Variants in NFIA observed in about 807,000 individuals in gnomAD.
NFIA encodes the protein nuclear factor I A, also known as nuclear factor 1 A-type.
A neutral mutation model predicts 62.8 loss-of-function variants in NFIA; 8 were observed. The observed-to-expected ratio is 0.13, with a 90% CI of 0.07 to 0.23. The LOEUF is 0.23. Among genes scored for constraint, NFIA ranks in the 10% least tolerant of loss-of-function variants. NFIA has a pLI of 1.00. For missense variants in NFIA, 410 were observed against 642.1 expected, an observed-to-expected ratio of 0.64 and a Z score of 3.91; for synonymous variants, 235 against 238.1, an observed-to-expected ratio of 0.99 and a Z score of 0.12.
intron 10 of NFIA, among the ~76,000 whole-genome samples, chr1:61,434,344 T>C (rs1419854275): frequency 1.3e-5 from 2 of 152,058 alleles, no homozygotes; most frequent in Admixed American, 6.6e-5. Flanking sequence ...CTGCTTCCCC[T>C]CCCTCCATAC....
At chr1:61,273,564 C>G (rs906776782) in intron 2 of NFIA, among the ~76,000 whole-genome samples, 1 of 152,138 alleles carries the variant, frequency 6.6e-6, no homozygotes, top group Non-Finnish European at 1.5e-5. Flanking sequence ...GACAGTGGTT[C>G]AGTATCAGAA....
chr1:61,096,759 G>A (rs1419518735), intron 2 of NFIA, among the ~76,000 whole-genome samples: 3 of 151,110 alleles, frequency 2.0e-5, no homozygotes, highest in East Asian at 2.0e-4. Flanking sequence ...CACCATCTTG[G>A]TGAGGCTGGA....
chr1:61,130,274 A>G (rs571516518), intron 2 of NFIA, among the ~76,000 whole-genome samples: 4 of 152,288 alleles, frequency 2.6e-5, no homozygotes, highest in Admixed American at 6.5e-5. Flanking sequence ...TAGTGAAATC[A>G]GGGAGACTAG....
chr1:61,192,293 C>T (rs563288769), intron 2 of NFIA, among the ~76,000 whole-genome samples: 2 of 152,252 alleles, frequency 1.3e-5, no homozygotes, highest in South Asian at 4.1e-4. Flanking sequence ...CAAAAAATAA[C>T]AAGTTTTGAA....
chr1:61,307,767 T>A (rs1659878529), intron 3 of NFIA, among the ~76,000 whole-genome samples: 1 of 152,232 alleles, frequency 6.6e-6, no homozygotes, highest in African/African-American at 2.4e-5. Context: ...AGGAGATCCA[T>A]TTGCTAGCAT....
intron 10 of NFIA, 55 bp downstream of exon 10, chr1:61,426,611 G>A: frequency 6.0e-6 from 8 of 1,322,952 alleles, no homozygotes; most frequent in Non-Finnish European, 8.2e-6. Context: ...TTCATCAGGT[G>A]CATTTTAACT....
At chr1:61,337,172 G>T (rs572815892) in intron 4 of NFIA, among the ~76,000 whole-genome samples, 1 of 152,296 alleles carries the variant, frequency 6.6e-6, no homozygotes. Context: ...AAATTCAGAG[G>T]TGAGGGATGA....
At chr1:61,447,641 G>T (rs1291509737) in intron 10 of NFIA, among the ~76,000 whole-genome samples, 1 of 152,092 alleles carries the variant, frequency 6.6e-6, no homozygotes, top group Non-Finnish European at 1.5e-5. Flanking sequence ...TAATCTCCAC[G>T]CTGCACCTCA....
At chr1:61,410,104 G>A (rs1259152858) in intron 9 of NFIA, among the ~76,000 whole-genome samples, 2 of 152,118 alleles carry the variant, frequency 1.3e-5, no homozygotes, top group Admixed American at 1.3e-4. Flanking sequence ...GATCTATTGA[G>A]GGAAAGGTAA....
At chr1:61,082,344 G>A (rs1400632685), upstream of NFIA, 32 of 311,710 alleles carry the variant, frequency 1.0e-4, no homozygotes, top group Non-Finnish European at 1.3e-4. Flanking sequence ...GCCGCGCGGC[G>A]CCGCAGCCGC....
At chr1:61,301,588 T>C (rs995754527) in intron 3 of NFIA, among the ~76,000 whole-genome samples, 1 of 152,234 alleles carries the variant, frequency 6.6e-6, no homozygotes, top group African/African-American at 2.4e-5. Context: ...AGCAAGCATT[T>C]ACCCTTGTGG....
intron 10 of NFIA, among the ~76,000 whole-genome samples, chr1:61,437,782 A>G (rs967404566): frequency 6.6e-6 from 1 of 152,206 alleles, no homozygotes. Flanking sequence ...GGTGGGGAGA[A>G]CATTCCAGAC....
chr1:61,366,301 C>A (rs747689499), intron 6 of NFIA, among the ~76,000 whole-genome samples: 8 of 151,918 alleles, frequency 5.3e-5, no homozygotes, highest in Non-Finnish European at 1.2e-4. Flanking sequence ...AAAAGTAAAG[C>A]AAATTTTTTT....
intron 3 of NFIA, among the ~76,000 whole-genome samples, chr1:61,329,579 A>C (rs1173783609): frequency 6.6e-6 from 1 of 151,282 alleles, no homozygotes. Context: ...GACGGGTTTC[A>C]CTATGTTGGC....
intron 2 of NFIA, among the ~76,000 whole-genome samples, chr1:61,266,353 T>TTTTC (rs536823689): frequency 6.6e-6 from 1 of 151,956 alleles, no homozygotes; most frequent in Non-Finnish European, 1.5e-5. Context: ...AGCTAATTTT[T>TTTTC]TTTCTTTCTT....
At chr1:61,278,069 T>C (rs192837697) in intron 3 of NFIA, among the ~76,000 whole-genome samples, 7 of 152,196 alleles carry the variant, frequency 4.6e-5, no homozygotes, top group Non-Finnish European at 7.4e-5. Context: ...AAAATATCTA[T>C]GCTTTGAAGG....
At chr1:61,378,288 A>T (rs1664246730) in intron 6 of NFIA, among the ~76,000 whole-genome samples, 1 of 152,172 alleles carries the variant, frequency 6.6e-6, no homozygotes, top group African/African-American at 2.4e-5. Flanking sequence ...TTTGTTATTG[A>T]TGTTTCTCGA....
chr1:61,420,984 C>T (rs1375290833), intron 9 of NFIA, among the ~76,000 whole-genome samples: 1 of 152,128 alleles, frequency 6.6e-6, no homozygotes, highest in Non-Finnish European at 1.5e-5. Flanking sequence ...CTTCTCCTTT[C>T]CCTCCACAAT....
intron 2 of NFIA, among the ~76,000 whole-genome samples, chr1:61,131,158 C>CT (rs200958600): frequency 0.032 from 4,364 of 136,396 alleles, 88 homozygotes; most frequent in Middle Eastern, 0.06. Context: ...AATAGTATGA[C>CT]TTTTTTTTTT....
Sources: allele counts gnomAD v4.1 joint callset (sites outside exome capture counted in the v4.1 genomes callset), GRCh38; gene constraint gnomAD v4.1.1; transcripts MANE v1.5; gene names NCBI Gene and HGNC (gene_info 2026-07-23, HGNC 2026-07-21).